SMG1: variants seen among roughly 807,000 people sequenced by gnomAD.
The protein encoded by SMG1 is serine/threonine-protein kinase SMG1.
A neutral mutation model predicts 419.9 loss-of-function variants in SMG1; 22 were observed. The ratio of observed to expected loss-of-function variants is 0.05; its 90% CI spans 0.04 to 0.07. SMG1 has a LOEUF of 0.07. Ranked by LOEUF, SMG1 falls within the 10% of genes least tolerant of loss-of-function variation. SMG1 has a pLI of 1.00. For missense variants in SMG1, 3,185 were observed against 4,342.0 expected, an observed-to-expected ratio of 0.73 and a Z score of 7.49; for synonymous variants, 1,538 against 1,553.5, an observed-to-expected ratio of 0.99 and a Z score of 0.23.
intron 56 of SMG1, among the ~76,000 whole-genome samples, chr16:18,818,168 A>G (rs2032187133): frequency 1.3e-5 from 2 of 152,016 alleles, no homozygotes; most frequent in Admixed American, 6.6e-5. Flanking sequence ...GGATCACCTG[A>G]GGTCAGGAGT....
chr16:18,913,741 A>G (rs1383858263), intron 1 of SMG1, among the ~76,000 whole-genome samples: 2 of 152,090 alleles, frequency 1.3e-5, no homozygotes, highest in African/African-American at 2.4e-5. Context: ...ATATTCTTGT[A>G]GACTACTAAA....
rs373180247 is a variant in SMG1 at position 18,835,954 on chromosome 16, C to T, written c.8036G>A (p.Arg2679His). Residue 2679 changes from arginine to histidine, a missense_variant, in exon 48 of 63, where the codon CGT becomes CAT. Coordinates refer to ENST00000446231, the MANE Select transcript of SMG1 (RefSeq NM_015092.5). ...EELICNTTVERCQELYRKYEM... is the reference protein window; with the variant it reads ...EELICNTTVEHCQELYRKYEM... ...TTACTTCCTATAGAGCTCTTGACAA[C>T]GCTCTACTGTGGTGTTACAGATGAG... 1.8e-5 allele frequency: 28 copies of T among 1,552,568 alleles called. No homozygotes were observed. Among genetic ancestry groups the T allele is most frequent in the South Asian group, 1.1e-4 (9 of 84,088 alleles).
intron 39 of SMG1, among the ~76,000 whole-genome samples, chr16:18,844,663 G>A (rs1262743132): frequency 6.6e-6 from 1 of 150,450 alleles, no homozygotes; most frequent in Non-Finnish European, 1.5e-5. Context: ...CTAGCTATTT[G>A]CTCTGAATTT....
chr16:18,876,542 CT>C (rs2036141830), intron 12 of SMG1, 149 bp from the exon 13 acceptor site: 1 of 1,142,930 alleles, frequency 8.7e-7, no homozygotes, highest in Admixed American at 2.8e-5. Context: ...AATATTTTAA[CT>C]TTTTAAAAAC....
At position 18,828,016 on chromosome 16, in the gene SMG1, T is replaced by C. The variant is rs2032873217; in HGVS notation, c.9741+15A>G. 8 of 1,607,366 alleles carry C rather than the reference T, an allele frequency of 5.0e-6. No homozygotes were observed. The highest frequency in any genetic ancestry group is 1.3e-5 in the African/African-American group (1 of 74,756). On this transcript the variant is annotated intron_variant, in intron 55 of 62. Coordinates refer to ENST00000446231, the MANE Select transcript of SMG1 (RefSeq NM_015092.5). ...AAAAGAAAATGCCCTGGAAGGAAGA[T>C]CTGGCAAAACACACCTGAACTGTTG... is the stretch of plus-strand genomic sequence containing the variant.
intron 12 of SMG1, 59 bp downstream of exon 12, chr16:18,877,072 T>C: frequency 8.1e-7 from 1 of 1,233,988 alleles, no homozygotes. Flanking sequence ...GTAAGCAACA[T>C]TAGGTCCAAC....
At chr16:18,832,582 GCACACACACACACACACA>G (rs3222694) in intron 51 of SMG1, among the ~76,000 whole-genome samples, 1 of 148,282 alleles carries the variant, frequency 6.7e-6, no homozygotes, top group Non-Finnish European at 1.5e-5. Context: ...CTATACACTT[GCACACACACACACACACA>G]CACACACACA....
At position 18,805,405 on chromosome 16, in the gene SMG1, C is replaced by T. The variant is rs541920179; in HGVS notation, c.*4164G>A. ...GACACTTTTACATTAGCACAACAAA[C>T]AGCTTTTTCTAAGTCTAGCCAAGTT... On this transcript the variant is annotated 3_prime_UTR_variant, in exon 63 of 63. Transcript: ENST00000446231. 6.6e-4 allele frequency: 101 copies of T among 152,324 alleles called. No individual in the cohort carries two copies. Among genetic ancestry groups the T allele is most frequent in the African/African-American group, 2.4e-3 (99 of 41,572 alleles). The allele number at this position is 152,324 out of a possible 1,614,324, so 9.4% of individuals were successfully genotyped here.
At chr16:18,917,500 C>A (rs765490146) in intron 1 of SMG1, among the ~76,000 whole-genome samples, 1 of 151,956 alleles carries the variant, frequency 6.6e-6, no homozygotes, top group Admixed American at 6.6e-5. Context: ...TCCTTAGCAG[C>A]CCCTTCTCTA....
chr16:18,890,994 C>T (rs1051672062), intron 4 of SMG1, 73 bp from the exon 5 acceptor site: 2 of 795,842 alleles, frequency 2.5e-6, no homozygotes, highest in African/African-American at 1.7e-5. Context: ...TACTTTTTTA[C>T]TTGTCTTCCC....
chr16:18,916,668 C>A (rs1304991214), intron 1 of SMG1, among the ~76,000 whole-genome samples: 3 of 150,792 alleles, frequency 2.0e-5, no homozygotes, highest in Admixed American at 2.0e-4. Flanking sequence ...CATATGAAAC[C>A]ACAAATTTCT....
chr16:18,887,761 G>T (rs939832610), intron 6 of SMG1, among the ~76,000 whole-genome samples: 1 of 5,572 alleles, frequency 1.8e-4, no homozygotes, highest in Non-Finnish European at 3.1e-4. Context: ...ATCAAAAACA[G>T]TAAAAAAAAA....
At chr16:18,925,042 G>A (rs907699170) in intron 1 of SMG1, 1 of 152,124 alleles carries the variant, frequency 6.6e-6, no homozygotes, top group Non-Finnish European at 1.5e-5. Flanking sequence ...GTATATTTAA[G>A]GAGTTCTAAG....
intron 10 of SMG1, among the ~76,000 whole-genome samples, chr16:18,881,544 T>C (rs931011282): frequency 1.5e-4 from 23 of 152,252 alleles, no homozygotes; most frequent in African/African-American, 4.8e-4. Context: ...AAATCTTTTA[T>C]GACTATATCA....
Position 18,809,560 on chromosome 16 carries a change from T to C in SMG1, c.*9A>G. 1 of 1,607,098 alleles carries C rather than the reference T, an allele frequency of 6.2e-7. No homozygotes were observed. Among genetic ancestry groups the C allele is most frequent in the South Asian group, 1.1e-5 (1 of 89,848 alleles). On this transcript the variant is annotated 3_prime_UTR_variant, in exon 63 of 63. Transcript: ENST00000446231. ...CTCGCTTAACCAGACTCATCTACTGTCTTGCCATTCACACCCAGGCTGTCC... is the reference window on the plus strand; with the variant it reads ...CTCGCTTAACCAGACTCATCTACTGCCTTGCCATTCACACCCAGGCTGTCC...
intron 23 of SMG1, among the ~76,000 whole-genome samples, chr16:18,864,855 A>G (rs892185291): frequency 2.0e-5 from 3 of 152,192 alleles, no homozygotes; most frequent in African/African-American, 7.2e-5. Context: ...AACTGAGCTA[A>G]AACAGTGAGT....
rs755935390 is a variant in SMG1 at position 18,869,926 on chromosome 16, C to T, written c.2561G>A (p.Ser854Asn). 238 of 1,530,566 alleles carry T rather than the reference C, an allele frequency of 1.6e-4. No homozygotes were observed. The highest frequency in any genetic ancestry group is 2.0e-4 in the Non-Finnish European group (228 of 1,122,924). The allele number at this position is 1,530,566 out of a possible 1,614,324, so 94.8% of individuals were successfully genotyped here. A position where few individuals can be genotyped will look rare whatever the true frequency, so the allele number is the denominator to read the frequency against. ...GAAATCTTGGGGGTGGAATGTATTA[C>T]TTGGTGCTTTACTCATGTGACTTCT... is the stretch of plus-strand genomic sequence containing the variant. ...ALRSHMSKAP[S>N]NTFHPQDFSD... is the part of the protein sequence containing the mutation. The change falls in exon 19 of 63, where the codon AGT becomes AAT. Residue 854 changes from serine to asparagine, a missense_variant. Ser to Asn is a conservative substitution (Grantham distance 46). This residue lies in a region of SMG1 where 297 missense variants were observed against 491.0 expected (regional missense o/e 0.60). Transcript: ENST00000446231.
At chr16:18,920,402 T>G (rs1430544212) in intron 1 of SMG1, among the ~76,000 whole-genome samples, 11 of 141,776 alleles carry the variant, frequency 7.8e-5, no homozygotes, top group African/African-American at 2.6e-4. Flanking sequence ...AAAAAAAAAG[T>G]TGGGGTGAGG....
Position 18,836,125 on chromosome 16 carries a change from T to A in SMG1, c.7865A>T (p.Glu2622Val). Residue 2622 changes from glutamate to valine, a missense_variant, in exon 48 of 63, where the codon GAG becomes GTG. Glu to Val is a moderately radical substitution (Grantham distance 121). Around this residue, in one of 27 missense-constraint regions of SMG1, gnomAD observed 412 missense variants for 546.6 expected, o/e 0.75. Transcript: ENST00000446231. ...CCTCTGCTGCAGGAGAGCACCAACC[T>A]CCCCCTCCAGCTGCTCGCACTGGCT... The part of the protein sequence containing the change: ...LISQCEQLEG[E>V]VGALLQQRRS... The A allele has an allele frequency of 6.2e-7, 1 of 1,609,064 alleles. No individual in the cohort carries two copies. Among genetic ancestry groups the A allele is most frequent in the Non-Finnish European group, 8.5e-7 (1 of 1,177,808 alleles).
Sources: allele counts gnomAD v4.1 joint callset (sites outside exome capture counted in the v4.1 genomes callset), GRCh38; gene constraint gnomAD v4.1.1; regional missense constraint gnomAD v4.1.1; transcripts MANE v1.5; gene names NCBI Gene and HGNC (gene_info 2026-07-23, HGNC 2026-07-21).